DLG2: variants seen among roughly 807,000 people sequenced by gnomAD.
The protein encoded by DLG2 is discs large MAGUK scaffold protein 2.
In DLG2, 45 loss-of-function variants were observed where a neutral mutation model predicts 132.5. The observed-to-expected ratio is 0.34, with a 90% CI of 0.27 to 0.44. The LOEUF (loss-of-function observed/expected upper bound fraction) is 0.44, where lower values mean the gene tolerates loss of function less well. Among genes scored for constraint, DLG2 ranks in the 20% least tolerant of loss-of-function variants. DLG2 has a pLI of 1.00. For missense variants in DLG2, 1,045 were observed against 1,196.9 expected, an observed-to-expected ratio of 0.87 and a Z score of 1.87; for synonymous variants, 424 against 419.6, an observed-to-expected ratio of 1.01 and a Z score of -0.13.
At chr11:83,962,140 A>ACACACAAACACATATCGAAATTAAG (rs1297158901) in intron 14 of DLG2, among the ~76,000 whole-genome samples, 13 of 152,060 alleles carry the variant, frequency 8.5e-5, no homozygotes, top group Non-Finnish European at 1.5e-4. Context: ...ATCATTCTTT[A>ACACACAAACACATATCGAAATTAAG]CACACAAACA....
chr11:84,422,342 G>C (rs998920740), intron 7 of DLG2, among the ~76,000 whole-genome samples: 1 of 152,134 alleles, frequency 6.6e-6, no homozygotes, highest in Non-Finnish European at 1.5e-5. Context: ...TCTTAATTAT[G>C]ATGTTTTAAT....
chr11:84,405,158 T>G (rs528138638), intron 7 of DLG2, among the ~76,000 whole-genome samples: 3 of 152,326 alleles, frequency 2.0e-5, no homozygotes, highest in East Asian at 3.9e-4. Context: ...AACAATTGTT[T>G]CAATATCTTT....
chr11:85,168,595 G>A (rs578004675), intron 4 of DLG2, among the ~76,000 whole-genome samples: 1 of 152,220 alleles, frequency 6.6e-6, no homozygotes, highest in Non-Finnish European at 1.5e-5. Context: ...AAATGATAGG[G>A]AAGAGTAGAG....
intron 7 of DLG2, among the ~76,000 whole-genome samples, chr11:84,354,090 T>C (rs968866539): frequency 2.0e-5 from 3 of 152,206 alleles, no homozygotes; most frequent in Non-Finnish European, 4.4e-5. Flanking sequence ...TCAAAAAATC[T>C]GAATTAATGA....
intron 6 of DLG2, among the ~76,000 whole-genome samples, chr11:84,655,570 T>G (rs772001470): frequency 2.0e-5 from 3 of 152,036 alleles, no homozygotes; most frequent in South Asian, 4.2e-4. Flanking sequence ...TCTGGAGAGA[T>G]GGAGCTCACC....
intron 6 of DLG2, among the ~76,000 whole-genome samples, chr11:85,067,214 G>T (rs367577970): frequency 6.6e-6 from 1 of 151,568 alleles, no homozygotes; most frequent in Non-Finnish European, 1.5e-5. Flanking sequence ...TTTTTATTGC[G>T]TCTATTTGAT....
chr11:84,115,997 G>A lies in DLG2; in HGVS notation c.625-16950C>T, dbSNP rs74398184. Reference sequence around the variant, plus strand: ...ATGAGTGTCTCAATCAGTAAGAAGCGGTAATAGAGTGAAAAGTGTATAAGT... The same window carrying A: ...ATGAGTGTCTCAATCAGTAAGAAGCAGTAATAGAGTGAAAAGTGTATAAGT... On this transcript the variant is annotated intron_variant, in intron 9 of 27. Coordinates refer to ENST00000376104, the MANE Select transcript of DLG2 (RefSeq NM_001142699.3). Among the ~76,000 whole-genome samples the A allele has an allele frequency of 1.9e-3, 294 of 152,282 alleles. 1 individual carries two copies. Among genetic ancestry groups the A allele is most frequent in the African/African-American group, 6.5e-3 (269 of 41,572 alleles).
intron 3 of DLG2, among the ~76,000 whole-genome samples, chr11:85,459,791 A>G (rs2092545691): frequency 1.3e-5 from 2 of 152,110 alleles, no homozygotes; most frequent in African/African-American, 4.8e-5. Flanking sequence ...AGTAATGCTG[A>G]ACCACCTGCA....
intron 3 of DLG2, among the ~76,000 whole-genome samples, chr11:85,340,517 A>G (rs2082413583): frequency 6.6e-6 from 1 of 152,206 alleles, no homozygotes; most frequent in African/African-American, 2.4e-5. Flanking sequence ...GAGGGATAGC[A>G]TTGGGAGAAA....
intron 18 of DLG2, among the ~76,000 whole-genome samples, chr11:83,709,493 A>G (rs1199975207): frequency 6.6e-6 from 1 of 151,936 alleles, no homozygotes; most frequent in East Asian, 1.9e-4. Context: ...TTAAAATCAC[A>G]CTGGCTGGTA....
chr11:85,297,165 T>C lies in DLG2; in HGVS notation c.41-11800A>G, dbSNP rs1038732689. ...CTTCCCCAATAACTAAAGAGTTAGC[T>C]TAAGAGAAAATATTATGCCCAAATA... On this transcript the variant is annotated intron_variant, in intron 3 of 27. Transcript: ENST00000376104. Among the ~76,000 whole-genome samples the C allele has an allele frequency of 5.9e-5, 9 of 152,120 alleles. No homozygotes were observed. In the South Asian group the frequency reaches 6.2e-4, roughly 10 times the overall value.
chr11:84,027,004 C>A (rs981505217), intron 11 of DLG2, among the ~76,000 whole-genome samples: 4 of 151,916 alleles, frequency 2.6e-5, no homozygotes, highest in Non-Finnish European at 4.4e-5. Context: ...TTATATTACT[C>A]TTCAAATCAA....
chr11:83,675,434 T>G (rs1007043792), intron 18 of DLG2, among the ~76,000 whole-genome samples: 15 of 152,324 alleles, frequency 9.8e-5, no homozygotes, highest in Non-Finnish European at 2.1e-4. Context: ...CAAATACACT[T>G]GAGTTACTGC....
rs553741759 is a variant in DLG2, at chr11:85,547,679, G to A, written c.40+50978C>T. On this transcript the variant is annotated intron_variant, in intron 3 of 27. Transcript: ENST00000376104. Reference sequence around the variant, plus strand: ...CCCAGATTTCTTGGAGGTTTTGTTCGTTTCTTTTCACTCTTTTTTCTCTAA... The same window carrying A: ...CCCAGATTTCTTGGAGGTTTTGTTCATTTCTTTTCACTCTTTTTTCTCTAA... Among the ~76,000 whole-genome samples the A allele has an allele frequency of 1.3e-4, 20 of 152,060 alleles. 1 individual carries two copies. The highest frequency in any genetic ancestry group is 3.1e-4 in the African/African-American group (13 of 41,488).
chr11:85,188,002 T>C (rs377097544), intron 4 of DLG2, among the ~76,000 whole-genome samples: 48 of 152,158 alleles, frequency 3.2e-4, no homozygotes, highest in Admixed American at 8.5e-4. Context: ...TGGGAAAGTC[T>C]TAAAACTGTT....
At chr11:84,478,848 T>C (rs1283287192) in intron 7 of DLG2, among the ~76,000 whole-genome samples, 1 of 152,046 alleles carries the variant, frequency 6.6e-6, no homozygotes, top group Non-Finnish European at 1.5e-5. Context: ...AAAACTAGAA[T>C]CTTTGACGTA....
chr11:84,760,182 C>A (rs2067420541), intron 6 of DLG2, among the ~76,000 whole-genome samples: 1 of 152,166 alleles, frequency 6.6e-6, no homozygotes, highest in South Asian at 2.1e-4. Flanking sequence ...TCCACTCATG[C>A]TCATATTAAG....
At chr11:84,594,319 T>C (rs908719002) in intron 6 of DLG2, among the ~76,000 whole-genome samples, 1 of 152,172 alleles carries the variant, frequency 6.6e-6, no homozygotes, top group African/African-American at 2.4e-5. Flanking sequence ...CAAGGGAACA[T>C]GGACTGGCAT....
intron 15 of DLG2, among the ~76,000 whole-genome samples, chr11:83,913,596 G>A (rs1256241359): frequency 2.0e-5 from 3 of 151,982 alleles, no homozygotes; most frequent in African/African-American, 7.3e-5. Flanking sequence ...CTTCAGGGAG[G>A]GGTTTCTGGT....
Sources: allele counts gnomAD v4.1 joint callset (sites outside exome capture counted in the v4.1 genomes callset), GRCh38; gene constraint gnomAD v4.1.1; transcripts MANE v1.5; gene names NCBI Gene and HGNC (gene_info 2026-07-23, HGNC 2026-07-21).